The following CAST variants were observed in gnomAD, a reference collection of about 807,000 sequenced individuals.
CAST encodes MIR583 host.
Under a neutral mutation model 119.6 loss-of-function variants are expected in CAST, and 76 were observed. The observed-to-expected ratio is 0.64, with a 90% CI of 0.53 to 0.77. The LOEUF is 0.77. Among genes scored for constraint, CAST ranks in the 30% least tolerant of loss-of-function variants. The pLI is 0.00. For missense variants in CAST, 953 were observed against 946.5 expected, an observed-to-expected ratio of 1.01 and a Z score of -0.09; for synonymous variants, 319 against 331.6, an observed-to-expected ratio of 0.96 and a Z score of 0.41.
At chr5:96,098,957 A>G in the CAST span, among the ~76,000 whole-genome samples, 1 of 152,222 alleles carries the variant, frequency 6.6e-6, no homozygotes, top group African/African-American at 2.4e-5. Flanking sequence ...ATCCATGAGC[A>G]TGGAATGTTT....
chr5:96,750,043 A>C (rs1273148562), intron 19 of CAST, among the ~76,000 whole-genome samples: 5 of 152,160 alleles, frequency 3.3e-5, no homozygotes, highest in African/African-American at 1.2e-4. Context: ...TAGTTCAGGG[A>C]TTACACTTCC....
chr5:95,968,297 C>T, the CAST span, among the ~76,000 whole-genome samples: 5 of 152,208 alleles, frequency 3.3e-5, no homozygotes, highest in African/African-American at 1.2e-4. Flanking sequence ...TTATAGCTAG[C>T]ATATTGACTT....
chr5:96,380,843 G>A, the CAST span, among the ~76,000 whole-genome samples: 1 of 152,176 alleles, frequency 6.6e-6, no homozygotes, highest in Non-Finnish European at 1.5e-5. Context: ...AAATAGCAAT[G>A]CTTGGGGGTT....
chr5:96,418,588 A>C, the CAST span, among the ~76,000 whole-genome samples: 1 of 152,220 alleles, frequency 6.6e-6, no homozygotes, highest in Non-Finnish European at 1.5e-5. Context: ...GTAATAAAGA[A>C]CAACAGCAAT....
At chr5:96,295,971 T>C in the CAST span, among the ~76,000 whole-genome samples, 11 of 152,170 alleles carry the variant, frequency 7.2e-5, no homozygotes, top group Non-Finnish European at 1.2e-4. Context: ...TATAGAAGAT[T>C]TTAACTCTCT....
At chr5:96,662,823 G>A (rs577015500) in intron 1 of CAST, among the ~76,000 whole-genome samples, 1 of 152,234 alleles carries the variant, frequency 6.6e-6, no homozygotes, top group Non-Finnish European at 1.5e-5. Flanking sequence ...ACCCCCGAGT[G>A]AGTGGGGTGG....
At chr5:96,200,294 A>T in the CAST span, among the ~76,000 whole-genome samples, 3 of 152,168 alleles carry the variant, frequency 2.0e-5, no homozygotes, top group South Asian at 6.2e-4. Flanking sequence ...GGAAGAAAGC[A>T]GTAGATGTCC....
At chr5:96,413,351 C>T in the CAST span, among the ~76,000 whole-genome samples, 1 of 152,208 alleles carries the variant, frequency 6.6e-6, no homozygotes, top group Admixed American at 6.5e-5. Flanking sequence ...GGACAGATTA[C>T]AGGCAGCTAC....
At chr5:96,183,758 A>G in the CAST span, among the ~76,000 whole-genome samples, 4,824 of 152,290 alleles carry the variant, frequency 0.032, 261 homozygotes, top group African/African-American at 0.11. Flanking sequence ...ACAATGGGAC[A>G]TATTGAATAA....
the CAST span, chr5:96,410,798 G>A: frequency 2.2e-4 from 355 of 1,613,960 alleles, no homozygotes; most frequent in Admixed American, 4.2e-4. Context: ...TGTAATCTCC[G>A]CTGCTGTAAG....
chr5:96,336,139 C>T, the CAST span, among the ~76,000 whole-genome samples: 137 of 152,286 alleles, frequency 9.0e-4, no homozygotes, highest in African/African-American at 2.9e-3. Context: ...ACCTCCTTTC[C>T]TGGGGCTGTC....
chr5:96,183,802 T>C, the CAST span, among the ~76,000 whole-genome samples: 56,439 of 151,998 alleles, frequency 0.37, 10,767 homozygotes, highest in Admixed American at 0.44. Context: ...AACATTCCCT[T>C]GTTCTTTAAT....
At position 96,622,933 on chromosome 5, in the gene CAST, G is replaced by A. The variant is rs895252967; in HGVS notation, c.61-52606G>A. Among the ~76,000 whole-genome samples the A allele has an allele frequency of 8.5e-5, 9 of 106,486 alleles. 1 individual carries two copies. Among genetic ancestry groups the A allele is most frequent in the African/African-American group, 3.4e-4 (9 of 26,618 alleles). The allele number at this position is 106,486 out of a possible 152,430, so 69.9% of individuals were successfully genotyped here. A position where few individuals can be genotyped will look rare whatever the true frequency, so the allele number is the denominator to read the frequency against. On this transcript the variant is annotated intron_variant, in intron 1 of 11. Transcript: ENST00000505143. Reference sequence around the variant, plus strand: ...GGCTGGAGTGCAGTGGCGGGATCTCGGCTCACTGCAAGCTCCACTTTCCAG... The same window carrying A: ...GGCTGGAGTGCAGTGGCGGGATCTCAGCTCACTGCAAGCTCCACTTTCCAG...
At chr5:96,526,028 C>T (rs971022128), upstream of CAST, among the ~76,000 whole-genome samples, 1 of 150,130 alleles carries the variant, frequency 6.7e-6, no homozygotes, top group African/African-American at 2.4e-5. Flanking sequence ...CACATGCCAT[C>T]GGTTGGTGAT....
chr5:95,965,984 G>T, the CAST span, among the ~76,000 whole-genome samples: 1 of 152,008 alleles, frequency 6.6e-6, no homozygotes, highest in East Asian at 1.9e-4. Flanking sequence ...TTCCCCATCT[G>T]AGTAGTAGGA....
chr5:96,674,629 A>C (rs1750481518), intron 1 of CAST, among the ~76,000 whole-genome samples: 1 of 152,248 alleles, frequency 6.6e-6, no homozygotes, highest in Admixed American at 6.5e-5. Context: ...CGCCAAAACA[A>C]ATGAATATGT....
chr5:96,330,551 A>G, the CAST span, among the ~76,000 whole-genome samples: 1 of 152,168 alleles, frequency 6.6e-6, no homozygotes, highest in African/African-American at 2.4e-5. Context: ...CCCAGTTCCT[A>G]TGCAGTTTAT....
chr5:96,631,584 CT>C lies in CAST; in HGVS notation c.61-43941del, dbSNP rs564961286. ...TTGTGTAAAAGTTTTTCTGTGAATA[CT>C]TTTTTTTTTTTTTGAGACGGAGTCT... On this transcript the variant is annotated intron_variant, in intron 1 of 11. Coordinates refer to the CAST transcript ENST00000505143. Among the ~76,000 whole-genome samples the C allele has an allele frequency of 1.4e-3, 178 of 125,962 alleles. 4 individuals are homozygous for C. Among genetic ancestry groups the C allele is most frequent in the Admixed American group, 1.4e-3 (17 of 12,194 alleles). 82.6% of individuals were successfully genotyped at this position (125,962 alleles called of 152,430 possible).
chr5:96,483,953 G>A, the CAST span, among the ~76,000 whole-genome samples: 1 of 152,108 alleles, frequency 6.6e-6, no homozygotes, highest in Non-Finnish European at 1.5e-5. Context: ...CCTCTTGACC[G>A]CCTATGTGAA....
Sources: gnomAD v4.1 joint callset for allele counts (sites outside exome capture counted in the v4.1 genomes callset) on GRCh38, gnomAD v4.1.1 for gene constraint, MANE v1.5 for transcripts, NCBI Gene and HGNC (gene_info 2026-07-23, HGNC 2026-07-21) for gene names.